Variants in GRIK4 observed in about 807,000 individuals in gnomAD.
GRIK4 encodes the protein glutamate ionotropic receptor kainate type subunit 4.
GRIK4 carries 40 observed loss-of-function variants against 104.9 expected under a neutral mutation model. The observed-to-expected ratio is 0.38, with a 90% CI of 0.30 to 0.50. GRIK4 has a LOEUF of 0.50. Ranked by LOEUF, GRIK4 falls within the 20% of genes least tolerant of loss-of-function variation. GRIK4 has a pLI of 0.93. For missense variants in GRIK4, 1,047 were observed against 1,308.1 expected, an observed-to-expected ratio of 0.80 and a Z score of 3.08; for synonymous variants, 485 against 524.9, an observed-to-expected ratio of 0.92 and a Z score of 1.04.
At chr11:120,623,836 C>T (rs1187070600) in intron 1 of GRIK4, among the ~76,000 whole-genome samples, 1 of 152,198 alleles carries the variant, frequency 6.6e-6, no homozygotes, top group African/African-American at 2.4e-5. Context: ...CACATGGGGC[C>T]TGCACCATGC....
chr11:120,667,425 G>A (rs966654558), intron 3 of GRIK4, among the ~76,000 whole-genome samples: 4 of 152,286 alleles, frequency 2.6e-5, no homozygotes, highest in Admixed American at 2.0e-4. Context: ...GGAAGCTGCT[G>A]CTAGACCTCA....
At chr11:120,741,083 G>A (rs1073388) in intron 3 of GRIK4, among the ~76,000 whole-genome samples, 6 of 151,742 alleles carry the variant, frequency 4.0e-5, no homozygotes, top group African/African-American at 7.3e-5. Context: ...TGTCTCTCTC[G>A]TTCGTGTAAT....
At chr11:120,753,122 G>T (rs1951586509) in intron 3 of GRIK4, among the ~76,000 whole-genome samples, 3 of 152,240 alleles carry the variant, frequency 2.0e-5, no homozygotes. Flanking sequence ...CGGATGGGTG[G>T]TTTGGAGAAA....
intron 3 of GRIK4, among the ~76,000 whole-genome samples, chr11:120,710,504 G>A (rs752273570): frequency 2.0e-5 from 3 of 152,188 alleles, no homozygotes; most frequent in African/African-American, 7.2e-5. Context: ...GGCCTGCTCT[G>A]TGGGCATAAC....
At chr11:120,816,136 A>G (rs1442623620) in intron 5 of GRIK4, among the ~76,000 whole-genome samples, 1 of 152,042 alleles carries the variant, frequency 6.6e-6, no homozygotes, top group African/African-American at 2.4e-5. Flanking sequence ...GTAGGGCACA[A>G]GTTTCAGAGT....
chr11:120,769,783 C>T (rs2135454503), intron 3 of GRIK4, among the ~76,000 whole-genome samples: 1 of 152,250 alleles, frequency 6.6e-6, no homozygotes, highest in African/African-American at 2.4e-5. Context: ...GCTCTACTAA[C>T]AGCTTGGTGT....
At chr11:120,665,557 C>G (rs1949899437) in intron 3 of GRIK4, among the ~76,000 whole-genome samples, 1 of 152,092 alleles carries the variant, frequency 6.6e-6, no homozygotes, top group Non-Finnish European at 1.5e-5. Context: ...CAGTAGTGGG[C>G]TTAGTAAATG....
Position 120,879,979 on chromosome 11 carries a change from A to G in GRIK4, c.1164+4736A>G, listed in dbSNP as rs1037358841. Among the ~76,000 whole-genome samples the G allele has an allele frequency of 4.6e-5, 7 of 152,240 alleles. No homozygotes were observed. In the South Asian group the frequency reaches 1.4e-3, roughly 31 times the overall value. On this transcript the variant is annotated intron_variant, in intron 11 of 20. Transcript: ENST00000527524. Reference sequence around the variant, plus strand: ...GATCAGAGATTCTGAGCAGCCCCCAAGCAACTTTGTTAGTGCTGTAATAAG... The same window carrying G: ...GATCAGAGATTCTGAGCAGCCCCCAGGCAACTTTGTTAGTGCTGTAATAAG...
intron 3 of GRIK4, among the ~76,000 whole-genome samples, chr11:120,679,760 G>C (rs919030015): frequency 2.0e-5 from 3 of 152,188 alleles, no homozygotes; most frequent in Non-Finnish European, 4.4e-5. Flanking sequence ...CTCTTTCTCA[G>C]TTCTGTCTTT....
intron 1 of GRIK4, among the ~76,000 whole-genome samples, chr11:120,578,136 G>A (rs1349873095): frequency 6.6e-6 from 1 of 152,190 alleles, no homozygotes; most frequent in East Asian, 1.9e-4. Context: ...GAGAAGGAGA[G>A]AAACACGACC....
At chr11:120,574,113 C>G (rs1416948694) in intron 1 of GRIK4, among the ~76,000 whole-genome samples, 3 of 152,204 alleles carry the variant, frequency 2.0e-5, no homozygotes, top group African/African-American at 4.8e-5. Context: ...CCAGCCTTAT[C>G]CATGAGCTCC....
chr11:120,537,918 G>A (rs887264764), intron 1 of GRIK4, among the ~76,000 whole-genome samples: 2 of 151,780 alleles, frequency 1.3e-5, no homozygotes, highest in Non-Finnish European at 2.9e-5. Flanking sequence ...GATAGACCTA[G>A]AGTGGAGGGC....
In GRIK4 at chr11:120,819,630, T is replaced by G; in HGVS notation, c.346-125T>G. Reference sequence around the variant, plus strand: ...GGTGCCCTGGGAGCTCCTTCTCCCATTGGTGTCTGGCGAAGGTGTTACATA... The same window carrying G: ...GGTGCCCTGGGAGCTCCTTCTCCCAGTGGTGTCTGGCGAAGGTGTTACATA... On this transcript the variant is annotated intron_variant, in intron 5 of 20. Transcript: ENST00000527524. This position sits in a 1 kb window ranked among gnomAD's most constrained non-coding sequence, Gnocchi z 4.3. 2.4e-6 allele frequency: 2 copies of G among 823,710 alleles called. No individual in the cohort carries two copies. Among genetic ancestry groups the G allele is most frequent in the Non-Finnish European group, 2.0e-6 (1 of 497,182 alleles). The allele number at this position is 823,710 out of a possible 1,614,324, so 51.0% of individuals were successfully genotyped here. A position where few individuals can be genotyped will look rare whatever the true frequency, so the allele number is the denominator to read the frequency against.
chr11:120,965,590 C>T (rs1024353752), intron 18 of GRIK4, among the ~76,000 whole-genome samples: 3 of 152,208 alleles, frequency 2.0e-5, no homozygotes, highest in African/African-American at 7.2e-5. Context: ...TCCAGTGCTG[C>T]AGGCTTGGGG....
Position 120,832,050 on chromosome 11 carries a change from C to A in GRIK4, c.690+20C>A. 1 of 1,570,094 alleles carries A rather than the reference C, an allele frequency of 6.4e-7. No homozygotes were observed. Reference sequence around the variant, plus strand: ...CTGAAGGTGGGAGCCTCCCTCTCTCCCCCACCCCCTGCTGAGCTCCACCCT... The same window carrying A: ...CTGAAGGTGGGAGCCTCCCTCTCTCACCCACCCCCTGCTGAGCTCCACCCT... On this transcript the variant is annotated intron_variant, in intron 7 of 20. Transcript: ENST00000527524.
intron 3 of GRIK4, among the ~76,000 whole-genome samples, chr11:120,730,142 C>T (rs543760086): frequency 1.3e-5 from 2 of 152,166 alleles, no homozygotes; most frequent in African/African-American, 4.8e-5. Context: ...ACCACTTGAG[C>T]TCAGGAGTTC....
In GRIK4 at chr11:120,730,217, G is replaced by A. The variant is rs956110477; in HGVS notation, c.82+69817G>A. 3.3e-5 allele frequency among the ~76,000 whole-genome samples: 5 copies of A among 152,068 alleles called. No homozygotes were observed. In the South Asian group the frequency reaches 6.2e-4, roughly 19 times the overall value. On this transcript the variant is annotated intron_variant, in intron 3 of 20. Coordinates refer to ENST00000527524, the MANE Select transcript of GRIK4 (RefSeq NM_014619.5). ...GAAATATTATACAAAAATTAGCCAG[G>A]TGTGGTGGTGTCTACCTGTAGTCAC...
intron 8 of GRIK4, among the ~76,000 whole-genome samples, chr11:120,847,012 G>A (rs886175326): frequency 6.6e-6 from 1 of 152,102 alleles, no homozygotes; most frequent in African/African-American, 2.4e-5. Flanking sequence ...AGAAGTATCT[G>A]TCCTGTGTCC....
At chr11:120,941,603 G>T (rs1943727071) in intron 14 of GRIK4, among the ~76,000 whole-genome samples, 1 of 152,226 alleles carries the variant, frequency 6.6e-6, no homozygotes, top group Non-Finnish European at 1.5e-5. Flanking sequence ...AGCCATGCTA[G>T]ATTAGGCTGG....
Sources: allele counts gnomAD v4.1 joint callset (sites outside exome capture counted in the v4.1 genomes callset), GRCh38; gene constraint gnomAD v4.1.1; non-coding constraint Gnocchi (gnomAD v3.1); transcripts MANE v1.5; gene names NCBI Gene and HGNC (gene_info 2026-07-23, HGNC 2026-07-21).